Variants in DNAH17 observed in about 807,000 individuals in gnomAD.
DNAH17 encodes axonemal beta dynein heavy chain 17.
DNAH17 carries 376 observed loss-of-function variants against 485.6 expected under a neutral mutation model. The observed-to-expected ratio is 0.77, with a 90% CI of 0.71 to 0.84. The LOEUF (loss-of-function observed/expected upper bound fraction) is 0.84, where lower values mean the gene tolerates loss of function less well. DNAH17 is among the 40% of genes least tolerant of loss of function. DNAH17 has a pLI of 0.00. For synonymous variants in DNAH17, 3,031 were observed against 2,405.9 expected (o/e 1.26, Z -7.60); for missense variants, 6,370 against 5,839.3 (o/e 1.09, Z -2.96).
intron 48 of DNAH17, among the ~76,000 whole-genome samples, chr17:78,483,779 G>A (rs559890585): frequency 5.3e-5 from 8 of 152,084 alleles, no homozygotes; most frequent in East Asian, 1.9e-4. Flanking sequence ...AGGCTCTTTT[G>A]GCCTGAGCTA....
At chr17:78,501,413 G>T (rs139622800) in intron 34 of DNAH17, 69 bp from the exon 35 acceptor site, 2 of 1,517,818 alleles carry the variant, frequency 1.3e-6, no homozygotes, top group African/African-American at 2.7e-5. Context: ...AGGAAGGCCA[G>T]CATGCCTCCA....
chr17:78,459,076 C>G lies in DNAH17; in HGVS notation c.9786G>C (p.Arg3262Ser). 6.2e-7 allele frequency: 1 copy of G among 1,614,048 alleles called. No individual in the cohort carries two copies. The highest frequency in any genetic ancestry group is 8.5e-7 in the Non-Finnish European group (1 of 1,179,900). Residue 3262 changes from arginine (R) to serine (S), a missense_variant, in exon 61 of 81, where the codon AGG becomes AGC. Arg to Ser is a moderately radical substitution (Grantham distance 110, BLOSUM62 -1). Transcript: ENST00000389840. The part of the protein sequence containing the change: ...YEVYCDVAPK[R>S]QALEEANAEL... Reference sequence around the variant, plus strand: ...CTGCATTAGCCTCCTCCAGTGCCTGCCTCTTGGGCGCCACGTCGCAGTAGA... The same window carrying G: ...CTGCATTAGCCTCCTCCAGTGCCTGGCTCTTGGGCGCCACGTCGCAGTAGA...
At chr17:78,528,766 G>C (rs2091146436) in intron 22 of DNAH17, among the ~76,000 whole-genome samples, 1 of 152,018 alleles carries the variant, frequency 6.6e-6, no homozygotes, top group East Asian at 1.9e-4. Context: ...GCTGACAGCT[G>C]AGGTTCTTTG....
intron 1 of DNAH17, among the ~76,000 whole-genome samples, chr17:78,576,746 C>T (rs1031967780): frequency 6.6e-6 from 1 of 152,220 alleles, no homozygotes; most frequent in African/African-American, 2.4e-5. Context: ...TGGGCTTTCA[C>T]AAAGTCATCT....
intron 77 of DNAH17, 164 bp downstream of exon 77, chr17:78,428,361 G>GC: frequency 2.4e-6 from 2 of 826,264 alleles, no homozygotes; most frequent in Non-Finnish European, 3.9e-6. Context: ...CTGCTGACCA[G>GC]CCTGCGGGCC....
At chr17:78,522,090 A>T (rs2090948648) in intron 25 of DNAH17, among the ~76,000 whole-genome samples, 2 of 152,374 alleles carry the variant, frequency 1.3e-5, no homozygotes, top group South Asian at 2.1e-4. Context: ...ACAACCTGAC[A>T]AATAGCTAGA....
At chr17:78,573,368 G>A (rs1367322203) in intron 2 of DNAH17, among the ~76,000 whole-genome samples, 1 of 152,102 alleles carries the variant, frequency 6.6e-6, no homozygotes, top group Non-Finnish European at 1.5e-5. Context: ...GGAGGCCGAG[G>A]CAGGTACATC....
At chr17:78,571,532 C>T (rs568295342) in intron 4 of DNAH17, 58 bp downstream of exon 4, 37 of 1,593,396 alleles carry the variant, frequency 2.3e-5, no homozygotes, top group South Asian at 1.7e-4. Flanking sequence ...GCGGAGAGCT[C>T]GGCCCGGTCG....
Position 78,495,049 on chromosome 17 carries a change from CATG to C in DNAH17, c.5949_5951del (p.Ile1983del). 3 of 1,611,390 alleles carry C rather than the reference CATG, an allele frequency of 1.9e-6. No individual in the cohort carries two copies. Among genetic ancestry groups the C allele is most frequent in the Non-Finnish European group, 2.5e-6 (3 of 1,178,840 alleles). The stretch of plus-strand genomic sequence containing the variant: ...CTTCCAGAAAGCCCTCGGCCATGAG[CATG>C]ATCTCACATATCAGTTCGAAGTCGG... On this transcript the variant is annotated inframe_deletion, in exon 39 of 81. Coordinates refer to ENST00000389840, the MANE Select transcript of DNAH17 (RefSeq NM_173628.4).
At position 78,454,618 on chromosome 17, in the gene DNAH17, G is replaced by A. The variant is rs376846561; in HGVS notation, c.10258C>T (p.Pro3420Ser). 5.6e-5 allele frequency: 91 copies of A among 1,612,312 alleles called. 1 individual carries two copies. The highest frequency in any genetic ancestry group is 3.3e-4 in the Middle Eastern group (2 of 6,084). ...TTCTCGGTGGACATGCGGTCGCTGG[G>A]GAGGCCCTGGTTGTTCCAGGTGGCC... ...DVATWNNQGL[P>S]SDRMSTENAT... Residue 3420 changes from proline to serine, a missense_variant, in exon 64 of 81, where the codon CCC becomes TCC. Pro to Ser is a moderately conservative substitution (Grantham distance 74). Transcript: ENST00000389840.
chr17:78,478,690 TATTACCATC>T (rs1461556769), intron 51 of DNAH17, among the ~76,000 whole-genome samples: 3 of 129,584 alleles, frequency 2.3e-5, no homozygotes, highest in Admixed American at 1.5e-4. Flanking sequence ...TCATCACAAT[TATTACCATC>T]ATTACCATCA....
chr17:78,546,778 T>C (rs893989078), intron 16 of DNAH17, among the ~76,000 whole-genome samples: 1 of 152,124 alleles, frequency 6.6e-6, no homozygotes, highest in Admixed American at 6.5e-5. Flanking sequence ...TGGTGGCCCA[T>C]GCCTGTAATC....
At chr17:78,528,927 C>A (rs1241263414) in intron 22 of DNAH17, among the ~76,000 whole-genome samples, 1 of 150,370 alleles carries the variant, frequency 6.7e-6, no homozygotes, top group Non-Finnish European at 1.5e-5. Flanking sequence ...CAGGAGGAGA[C>A]ATGGGACATA....
intron 3 of DNAH17, among the ~76,000 whole-genome samples, chr17:78,572,420 C>T (rs1426603279): frequency 6.6e-6 from 1 of 152,130 alleles, no homozygotes; most frequent in African/African-American, 2.4e-5. Flanking sequence ...TGGGTGGTGA[C>T]TGGATCGGCA....
chr17:78,486,228 T>G lies in DNAH17; in HGVS notation c.7097A>C (p.Asp2366Ala). ...FWAFGGAMFQ[D>A]QLVDYRVEFS... ...CGGGCCCCCCAGGTGCATCACCTGG[T>G]CCTGGAACATGGCGCCACCGAAGGC... Residue 2366 changes from aspartate (D) to alanine (A), a missense_variant, in exon 45 of 81, where the codon GAC becomes GCC. By Grantham distance (126) the Asp-to-Ala change is moderately radical. Transcript: ENST00000389840. 1 of 1,588,082 alleles carries G rather than the reference T, an allele frequency of 6.3e-7. No individual in the cohort carries two copies. The highest frequency in any genetic ancestry group is 1.3e-5 in the African/African-American group (1 of 74,582).
chr17:78,462,979 G>C lies in DNAH17; in HGVS notation c.9039C>G (p.Asn3013Lys), dbSNP rs753537925. The C allele has an allele frequency of 1.2e-6, 2 of 1,614,018 alleles. No homozygotes were observed. Among genetic ancestry groups the C allele is most frequent in the Non-Finnish European group, 1.7e-6 (2 of 1,179,890 alleles). Residue 3013 changes from asparagine to lysine, a missense_variant, in exon 57 of 81, where the codon AAC becomes AAG. Physicochemically the swap from Asn to Lys is moderately conservative, Grantham distance 94. Coordinates refer to ENST00000389840, the MANE Select transcript of DNAH17 (RefSeq NM_173628.4). ...RVYLATERRYNYTTPKTFLEQ... is the reference protein window; with the variant it reads ...RVYLATERRYKYTTPKTFLEQ... Reference sequence around the variant, plus strand: ...CCAGAAAGGTTTTGGGTGTGGTGTAGTTGTAGCGCCTCTCAGTAGCCAGGT... The same window carrying C: ...CCAGAAAGGTTTTGGGTGTGGTGTACTTGTAGCGCCTCTCAGTAGCCAGGT...
At chr17:78,564,072 C>G (rs1347263410) in intron 11 of DNAH17, among the ~76,000 whole-genome samples, 1 of 152,128 alleles carries the variant, frequency 6.6e-6, no homozygotes. Flanking sequence ...ATTTGTTCCT[C>G]GCTAGCTCCA....
At chr17:78,501,422 C>T (rs1269409720) in intron 34 of DNAH17, 78 bp from the exon 35 acceptor site, 1 of 1,494,308 alleles carries the variant, frequency 6.7e-7, no homozygotes, top group African/African-American at 1.4e-5. Context: ...AGCATGCCTC[C>T]AAGGCCGGTC....
At chr17:78,437,571 G>A (rs1348903913) in intron 74 of DNAH17, 70 bp downstream of exon 74, 36 of 1,351,494 alleles carry the variant, frequency 2.7e-5, no homozygotes, top group South Asian at 1.5e-4. Context: ...AGTGGTCCTC[G>A]GGGCCCCAAG....
Sources: allele counts gnomAD v4.1 joint callset (sites outside exome capture counted in the v4.1 genomes callset), GRCh38; gene constraint gnomAD v4.1.1; transcripts MANE v1.5; gene names NCBI Gene and HGNC (gene_info 2026-07-23, HGNC 2026-07-21).